Variants in GPD2 observed in about 807,000 individuals in gnomAD.
GPD2 encodes glycerol-3-phosphate dehydrogenase 2, also known as glycerol-3-phosphate dehydrogenase, mitochondrial.
Under a neutral mutation model 82.4 loss-of-function variants are expected in GPD2, and 54 were observed. That is an observed-to-expected ratio of 0.66 (90% CI 0.53 to 0.82). The LOEUF is 0.82. Ranked by LOEUF, GPD2 falls within the 40% of genes least tolerant of loss-of-function variation. The probability of loss-of-function intolerance (pLI) is 0.00; values close to 1 mark genes in which losing one functional copy is unlikely to be tolerated. For missense variants in GPD2, 748 were observed against 896.2 expected (o/e 0.83, Z 2.11); for synonymous variants, 288 against 306.1 (o/e 0.94, Z 0.62).
intron 6 of GPD2, among the ~76,000 whole-genome samples, chr2:156,518,737 C>A (rs754471307): frequency 1.2e-4 from 19 of 152,218 alleles, no homozygotes; most frequent in Middle Eastern, 3.4e-3. Flanking sequence ...AAGATGGTGC[C>A]TTTAATCCTC....
At chr2:156,562,845 A>AT (rs1280973396) in intron 9 of GPD2, among the ~76,000 whole-genome samples, 1 of 152,168 alleles carries the variant, frequency 6.6e-6, no homozygotes, top group Non-Finnish European at 1.5e-5. Flanking sequence ...TGAATGAGTT[A>AT]TTTTTTGGGA....
intron 3 of GPD2, among the ~76,000 whole-genome samples, chr2:156,496,577 A>G (rs1056968271): frequency 6.6e-6 from 1 of 152,186 alleles, no homozygotes; most frequent in East Asian, 1.9e-4. Flanking sequence ...TCCTTAATGA[A>G]GCACCTTCAC....
At chr2:156,579,471 A>G (rs1267376853) in intron 15 of GPD2, among the ~76,000 whole-genome samples, 2 of 151,286 alleles carry the variant, frequency 1.3e-5, no homozygotes, top group African/African-American at 4.9e-5. Context: ...TGGGACTACA[A>G]GTGCGCACCA....
At chr2:156,581,193 G>A (rs982454210) in intron 16 of GPD2, among the ~76,000 whole-genome samples, 2 of 151,442 alleles carry the variant, frequency 1.3e-5, no homozygotes, top group African/African-American at 4.9e-5. Context: ...AGTATTTTTT[G>A]TCCAATTCCA....
Position 156,458,899 on chromosome 2 carries a change from A to T in GPD2, c.-8-17199A>T, listed in dbSNP as rs559921108. Among the ~76,000 whole-genome samples the T allele has an allele frequency of 7.2e-5, 11 of 152,330 alleles. No individual in the cohort carries two copies. The South Asian group carries it at 2.3e-3, about 32-fold the overall frequency. On this transcript the variant is annotated intron_variant, in intron 1 of 16. Transcript: ENST00000438166. ...ACAAGGAAGAAAATAAAAATGATTC[A>T]TAATACTACCATTCAAAGATGAGAT...
chr2:156,535,366 A>C (rs1573973641), intron 6 of GPD2, among the ~76,000 whole-genome samples: 3 of 102,724 alleles, frequency 2.9e-5, no homozygotes, highest in South Asian at 4.6e-4. Context: ...AAAGAGAGAG[A>C]GAGCGAGAAA....
At chr2:156,516,981 A>G (rs2105280600) in intron 6 of GPD2, among the ~76,000 whole-genome samples, 1 of 152,364 alleles carries the variant, frequency 6.6e-6, no homozygotes, top group Middle Eastern at 3.4e-3. Flanking sequence ...TACAAAATGT[A>G]CAAAGATAAA....
intron 1 of GPD2, among the ~76,000 whole-genome samples, chr2:156,450,758 A>G (rs1682529860): frequency 1.0e-5 from 1 of 96,920 alleles, no homozygotes; most frequent in East Asian, 3.1e-4. Context: ...GAAGGTCAGC[A>G]GATAAACAAG....
chr2:156,466,512 A>G (rs1384251823), intron 1 of GPD2, among the ~76,000 whole-genome samples: 1 of 152,236 alleles, frequency 6.6e-6, no homozygotes. Flanking sequence ...GGTAGAAAGC[A>G]TAAGTATGTT....
At chr2:156,454,948 A>G (rs892953191) in intron 1 of GPD2, among the ~76,000 whole-genome samples, 6 of 152,108 alleles carry the variant, frequency 3.9e-5, no homozygotes, top group Non-Finnish European at 7.4e-5. Context: ...CTTGGGGACC[A>G]GCTGCCCTTC....
chr2:156,541,694 A>G (rs1052330417), intron 6 of GPD2, among the ~76,000 whole-genome samples: 1 of 152,162 alleles, frequency 6.6e-6, no homozygotes, highest in African/African-American at 2.4e-5. Context: ...TTTTTAGGCC[A>G]TATAACTGCA....
rs754799404 is a variant in GPD2 at position 156,579,154 on chromosome 2, G to A, written c.1949G>A (p.Arg650His). ...TTTATTACCATTGTTGATGTTCAGC[G>A]TGTATTAGAGGTAATTTTCTTTGGT... is the stretch of plus-strand genomic sequence containing the variant. The part of the protein sequence containing the change: ...KGFITIVDVQ[R>H]VLESINVQMD... The change falls in exon 15 of 17, where the codon CGT becomes CAT. Residue 650 changes from arginine to histidine, a missense_variant. Arg to His is a conservative substitution (Grantham distance 29). Transcript: ENST00000438166. 25 of 1,590,214 alleles carry A rather than the reference G, an allele frequency of 1.6e-5. No individual in the cohort carries two copies. Among genetic ancestry groups the A allele is most frequent in the Admixed American group, 1.2e-4 (7 of 59,958 alleles).
the GPD2 span, among the ~76,000 whole-genome samples, chr2:156,430,054 A>T: frequency 6.6e-6 from 1 of 152,220 alleles, no homozygotes; most frequent in Admixed American, 6.5e-5. Flanking sequence ...ATATAACATA[A>T]CTTTCTAATT....
chr2:156,539,691 G>A (rs1036877829), intron 6 of GPD2, among the ~76,000 whole-genome samples: 1 of 152,174 alleles, frequency 6.6e-6, no homozygotes, highest in African/African-American at 2.4e-5. Context: ...GGCAGGTTGA[G>A]CCATTCCAGC....
At chr2:156,400,996 CCTT>C in the GPD2 span, among the ~76,000 whole-genome samples, 4 of 152,202 alleles carry the variant, frequency 2.6e-5, no homozygotes, top group Admixed American at 2.0e-4. Flanking sequence ...AGGGAAACCA[CCTT>C]CTTGACTGCT....
intron 6 of GPD2, among the ~76,000 whole-genome samples, chr2:156,518,368 T>C (rs1235363455): frequency 6.6e-6 from 1 of 152,180 alleles, no homozygotes; most frequent in Non-Finnish European, 1.5e-5. Flanking sequence ...ACAATGAATT[T>C]CATGTCTCCC....
At chr2:156,455,627 T>C (rs1238298007) in intron 1 of GPD2, among the ~76,000 whole-genome samples, 1 of 152,228 alleles carries the variant, frequency 6.6e-6, no homozygotes, top group Non-Finnish European at 1.5e-5. Context: ...ATAGTCACTC[T>C]GGACATAATA....
upstream of GPD2, among the ~76,000 whole-genome samples, chr2:156,431,058 G>C (rs1428386104): frequency 6.6e-6 from 1 of 152,214 alleles, no homozygotes; most frequent in Non-Finnish European, 1.5e-5. Context: ...ACAGGTATGG[G>C]TGAAAAAGGG....
intron 1 of GPD2, among the ~76,000 whole-genome samples, chr2:156,469,126 A>G (rs1683239653): frequency 1.3e-5 from 2 of 152,158 alleles, no homozygotes; most frequent in South Asian, 4.1e-4. Context: ...GATGTCCTCC[A>G]GTTTTACCCG....
Sources: allele counts gnomAD v4.1 joint callset (sites outside exome capture counted in the v4.1 genomes callset), GRCh38; gene constraint gnomAD v4.1.1; transcripts MANE v1.5; gene names NCBI Gene and HGNC (gene_info 2026-07-23, HGNC 2026-07-21).